The following PCMTD1 variants were observed in gnomAD, a reference collection of about 807,000 sequenced individuals.
PCMTD1 encodes the protein protein-L-isoaspartate O-methyltransferase domain-containing protein 1.
Under a neutral mutation model 37.6 loss-of-function variants are expected in PCMTD1, and 12 were observed. That is an observed-to-expected ratio of 0.32 (90% CI 0.20 to 0.52). The LOEUF (loss-of-function observed/expected upper bound fraction) is 0.52. Ranked by LOEUF, PCMTD1 falls within the 20% of genes least tolerant of loss-of-function variation. The pLI is 0.97. For missense variants in PCMTD1, 235 were observed against 421.3 expected (o/e 0.56, Z 3.87); for synonymous variants, 117 against 135.8 (o/e 0.86, Z 0.96).
chr8:51,878,392 T>A (rs1004024028), intron 1 of PCMTD1, among the ~76,000 whole-genome samples: 3 of 152,178 alleles, frequency 2.0e-5, no homozygotes, highest in Non-Finnish European at 4.4e-5. Context: ...CCTTGTGCTA[T>A]TTCTCACAAT....
intron 1 of PCMTD1, among the ~76,000 whole-genome samples, chr8:51,883,192 A>G (rs1007526794): frequency 6.6e-6 from 1 of 152,144 alleles, no homozygotes; most frequent in Non-Finnish European, 1.5e-5. Flanking sequence ...TCAAAATGAG[A>G]GCAAATCAAC....
intron 3 of PCMTD1, chr8:51,839,327 A>T: frequency 2.8e-6 from 1 of 353,090 alleles, no homozygotes; most frequent in Non-Finnish European, 3.8e-6. Context: ...AAAGTAATTG[A>T]CATACTCTTA....
chr8:51,897,864 T>C (rs912367625), intron 1 of PCMTD1, among the ~76,000 whole-genome samples: 15 of 152,150 alleles, frequency 9.9e-5, no homozygotes, highest in African/African-American at 2.2e-4. Context: ...CCATGATGCA[T>C]TGTTGGCTAA....
At chr8:51,858,675 CTTCT>C (rs1054739363) in intron 2 of PCMTD1, among the ~76,000 whole-genome samples, 13 of 152,230 alleles carry the variant, frequency 8.5e-5, no homozygotes, top group Admixed American at 4.6e-4. Context: ...TCTGCTTCTC[CTTCT>C]TTATCTTTCT....
intron 1 of PCMTD1, among the ~76,000 whole-genome samples, chr8:51,878,287 A>T: frequency 7.5e-6 from 1 of 134,180 alleles, no homozygotes. Context: ...TATCCTTAGC[A>T]TTAGTGTATT....
intron 3 of PCMTD1, among the ~76,000 whole-genome samples, chr8:51,836,080 T>A (rs1382122488): frequency 1.3e-5 from 2 of 152,102 alleles, no homozygotes; most frequent in Non-Finnish European, 2.9e-5. Context: ...CATCGAACAA[T>A]CCTACTAATT....
intron 1 of PCMTD1, among the ~76,000 whole-genome samples, chr8:51,871,703 A>G (rs1563356361): frequency 6.6e-6 from 1 of 152,228 alleles, no homozygotes; most frequent in Non-Finnish European, 1.5e-5. Context: ...CGAACATCTA[A>G]GAAACAACTG....
intron 3 of PCMTD1, among the ~76,000 whole-genome samples, chr8:51,837,904 C>T (rs1343430164): frequency 2.0e-5 from 3 of 152,022 alleles, no homozygotes; most frequent in South Asian, 4.2e-4. Flanking sequence ...CTCAGCCTCC[C>T]GAGTAGCTGG....
chr8:51,841,759 T>C (rs538621991), intron 3 of PCMTD1, among the ~76,000 whole-genome samples: 56 of 152,268 alleles, frequency 3.7e-4, no homozygotes, highest in African/African-American at 1.3e-3. Flanking sequence ...AAGCCAGATA[T>C]CTAAAGGCCT....
At chr8:51,842,414 T>C (rs1349438269) in intron 3 of PCMTD1, among the ~76,000 whole-genome samples, 2 of 152,028 alleles carry the variant, frequency 1.3e-5, no homozygotes, top group Non-Finnish European at 2.9e-5. Flanking sequence ...TACTGCAACC[T>C]CTGCATCCTC....
At chr8:51,830,950 T>C (rs898584370) in intron 5 of PCMTD1, among the ~76,000 whole-genome samples, 2 of 151,554 alleles carry the variant, frequency 1.3e-5, no homozygotes, top group Admixed American at 1.3e-4. Flanking sequence ...TATGTTTCCA[T>C]GAAGGTAGCT....
At chr8:51,845,478 A>G (rs1222053333) in intron 3 of PCMTD1, 183 bp downstream of exon 3, 6 of 450,698 alleles carry the variant, frequency 1.3e-5, no homozygotes, top group Non-Finnish European at 2.4e-5. Context: ...ATAATTTACT[A>G]TAGAATTACA....
At chr8:51,851,635 A>G (rs2129283269) in intron 2 of PCMTD1, among the ~76,000 whole-genome samples, 1 of 151,510 alleles carries the variant, frequency 6.6e-6, no homozygotes, top group South Asian at 2.1e-4. Flanking sequence ...TAATTTAAAC[A>G]GCTTCAGATT....
At chr8:51,886,891 G>A (rs1377315555) in intron 1 of PCMTD1, among the ~76,000 whole-genome samples, 3 of 152,056 alleles carry the variant, frequency 2.0e-5, no homozygotes, top group Admixed American at 6.6e-5. Context: ...AGGTGTTGGG[G>A]AGACTGTTCC....
At chr8:51,862,868 T>A (rs2038493729) in intron 1 of PCMTD1, among the ~76,000 whole-genome samples, 1 of 152,202 alleles carries the variant, frequency 6.6e-6, no homozygotes, top group African/African-American at 2.4e-5. Flanking sequence ...GCACCTTCAG[T>A]CCTCAAAAAT....
chr8:51,892,419 A>G (rs1458865504), intron 1 of PCMTD1, among the ~76,000 whole-genome samples: 1 of 152,226 alleles, frequency 6.6e-6, no homozygotes, highest in East Asian at 1.9e-4. Flanking sequence ...ATTGTCAACT[A>G]TGGCTTCTAG....
At chr8:51,848,260 C>T (rs2038252515) in intron 2 of PCMTD1, among the ~76,000 whole-genome samples, 1 of 148,932 alleles carries the variant, frequency 6.7e-6, no homozygotes, top group African/African-American at 2.5e-5. Context: ...ACAATCCGGG[C>T]TGGGCAACAG....
intron 1 of PCMTD1, among the ~76,000 whole-genome samples, chr8:51,880,179 AAC>A (rs1367627715): frequency 4.7e-5 from 7 of 150,520 alleles, no homozygotes; most frequent in Non-Finnish European, 7.4e-5. Flanking sequence ...CAGCCTGGGC[AAC>A]ACAGCAAGAT....
At chr8:51,838,080 C>T (rs1418441844) in intron 3 of PCMTD1, among the ~76,000 whole-genome samples, 1 of 152,174 alleles carries the variant, frequency 6.6e-6, no homozygotes, top group Non-Finnish European at 1.5e-5. Flanking sequence ...AGCCACCACA[C>T]CCGGCCCATA....
Sources: gnomAD v4.1 joint callset for allele counts (sites outside exome capture counted in the v4.1 genomes callset) on GRCh38, gnomAD v4.1.1 for gene constraint, MANE v1.5 for transcripts, NCBI Gene and HGNC (gene_info 2026-07-23, HGNC 2026-07-21) for gene names.